The following ZFP2 variants were observed in gnomAD, a reference collection of about 807,000 sequenced individuals.
ZFP2 encodes ZFP2 zinc finger protein.
A neutral mutation model predicts 36.1 loss-of-function variants in ZFP2; 33 were observed. That is an observed-to-expected ratio of 0.92 (90% CI 0.69 to 1.22). The LOEUF is 1.22. Ranked by LOEUF, ZFP2 falls within the 50% of genes most tolerant of loss-of-function variation. The pLI is 0.00. For synonymous variants in ZFP2, 170 were observed against 178.0 expected, an observed-to-expected ratio of 0.96 and a Z score of 0.36; for missense variants, 522 against 551.4, an observed-to-expected ratio of 0.95 and a Z score of 0.53.
chr5:178,932,817 A>G lies in ZFP2; in HGVS notation c.*118A>G, dbSNP rs975272998. Reference sequence around the variant, plus strand: ...GTGGGAATCTTTCAGTTGAAGTACAATATGTCATATCAGATAATACCACTG... The same window carrying G: ...GTGGGAATCTTTCAGTTGAAGTACAGTATGTCATATCAGATAATACCACTG... On this transcript the variant is annotated 3_prime_UTR_variant, in exon 5 of 5. Coordinates refer to ENST00000361362, the MANE Select transcript of ZFP2 (RefSeq NM_030613.4). 7 of 1,263,864 alleles carry G rather than the reference A, an allele frequency of 5.5e-6. No homozygotes were observed. The highest frequency in any genetic ancestry group is 3.0e-5 in the African/African-American group (2 of 66,488). 78.3% of individuals were successfully genotyped at this position (1,263,864 alleles called of 1,614,324 possible).
intron 4 of ZFP2, among the ~76,000 whole-genome samples, chr5:178,925,996 G>A (rs1379306319): frequency 2.0e-5 from 3 of 148,454 alleles, no homozygotes; most frequent in South Asian, 4.3e-4. Flanking sequence ...ACATGTGTGC[G>A]CCACCATGAT....
chr5:178,905,266 A>G (rs954467162), intron 1 of ZFP2, among the ~76,000 whole-genome samples: 1 of 152,066 alleles, frequency 6.6e-6, no homozygotes, highest in African/African-American at 2.4e-5. Context: ...ATGGCCTTTA[A>G]CTCTTTACAG....
chr5:178,896,780 A>G (rs187839525), intron 1 of ZFP2, among the ~76,000 whole-genome samples: 1 of 152,318 alleles, frequency 6.6e-6, no homozygotes, highest in Non-Finnish European at 1.5e-5. Flanking sequence ...CTTTTTCTCC[A>G]TCTATCTTTT....
rs890829925 is a variant in ZFP2, at chr5:178,895,922, G to C, written c.-502G>C. 1 of 152,348 alleles carries C rather than the reference G, an allele frequency of 6.6e-6. No individual in the cohort carries two copies. Among genetic ancestry groups the C allele is most frequent in the Non-Finnish European group, 1.5e-5 (1 of 68,130 alleles). The allele number at this position is 152,348 out of a possible 1,614,324, so 9.4% of individuals were successfully genotyped here. On this transcript the variant is annotated 5_prime_UTR_variant, in exon 1 of 5. Coordinates refer to ENST00000361362, the MANE Select transcript of ZFP2 (RefSeq NM_030613.4). ...TGTAGTCTGGCGCTCCGGGCTGTAA[G>C]CGCCGGTCGCGGCTGTGTCGGTCGC...
intron 1 of ZFP2, among the ~76,000 whole-genome samples, chr5:178,898,743 G>A (rs2113039870): frequency 6.6e-6 from 1 of 152,308 alleles, no homozygotes; most frequent in South Asian, 2.1e-4. Context: ...CACTGCTCAG[G>A]ACAGGGTTAT....
Position 178,931,931 on chromosome 5 carries a change from G to A in ZFP2, c.618G>A (p.Arg206=). The change falls in exon 5 of 5, where the codon AGG becomes AGA. Residue 206 remains arginine, a synonymous_variant. Coordinates refer to ENST00000361362, the MANE Select transcript of ZFP2 (RefSeq NM_030613.4). ...HKNSSLIQHE[R]IHTGEKPYKC... ...ATTCATCTCTTATTCAGCATGAAAG[G>A]ATTCATACTGGAGAGAAACCCTACA... The A allele has an allele frequency of 6.2e-7, 1 of 1,613,788 alleles. No individual in the cohort carries two copies. The highest frequency in any genetic ancestry group is 8.5e-7 in the Non-Finnish European group (1 of 1,179,914).
chr5:178,924,266 G>T (rs1044103938), intron 4 of ZFP2, among the ~76,000 whole-genome samples: 2 of 147,452 alleles, frequency 1.4e-5, no homozygotes, highest in Admixed American at 1.4e-4. Flanking sequence ...CCAGCTACTC[G>T]GGAGGCTGAG....
At chr5:178,896,294 C>G (rs1008962314) in intron 1 of ZFP2, among the ~76,000 whole-genome samples, 1 of 152,222 alleles carries the variant, frequency 6.6e-6, no homozygotes, top group Non-Finnish European at 1.5e-5. Flanking sequence ...AGGGCCACGC[C>G]GGCCACCACG....
chr5:178,931,334 G>A lies in ZFP2; in HGVS notation c.21G>A (p.Trp7Ter). 1 of 1,606,432 alleles carries A rather than the reference G, an allele frequency of 6.2e-7. No homozygotes were observed. Among genetic ancestry groups the A allele is most frequent in the Non-Finnish European group, 8.5e-7 (1 of 1,176,904 alleles). ...TAACAATGGAAAGGGAAGGTATCTG[G>A]CATTCTACTCTAGGGGAAACCTGGG... MEREGI[W>*]HSTLGETWEP... Residue 7 changes from tryptophan to a stop codon, truncating the protein, a stop_gained, in exon 5 of 5, where the codon TGG becomes TGA. Coordinates refer to ENST00000361362, the MANE Select transcript of ZFP2 (RefSeq NM_030613.4). LOFTEE classifies it low-confidence loss of function (END_TRUNC).
rs997880868 is a variant in ZFP2, at chr5:178,922,780, T to C, written c.-78+6070T>C. On this transcript the variant is annotated intron_variant, in intron 4 of 4. Coordinates refer to ENST00000361362, the MANE Select transcript of ZFP2 (RefSeq NM_030613.4). ...TCTGTAAGGGCTGTGCAGAAATGTGTGTGGTCAAAGCCAAGCAGTTCCATT... is the reference window on the plus strand; with the variant it reads ...TCTGTAAGGGCTGTGCAGAAATGTGCGTGGTCAAAGCCAAGCAGTTCCATT... 4.4e-5 allele frequency: 65 copies of C among 1,489,206 alleles called. 5 individuals are homozygous for C. The highest frequency in any genetic ancestry group is 5.3e-5 in the Non-Finnish European group (58 of 1,098,296). The allele number at this position is 1,489,206 out of a possible 1,614,324, so 92.2% of individuals were successfully genotyped here. A position where few individuals can be genotyped will look rare whatever the true frequency, so the allele number is the denominator to read the frequency against.
intron 4 of ZFP2, among the ~76,000 whole-genome samples, chr5:178,929,786 A>T (rs1758777151): frequency 6.6e-6 from 1 of 152,116 alleles, no homozygotes; most frequent in South Asian, 2.1e-4. Context: ...AGGTATCTTT[A>T]TAGAAATTCT....
At chr5:178,911,589 C>T (rs1758300070) in intron 1 of ZFP2, among the ~76,000 whole-genome samples, 2 of 152,254 alleles carry the variant, frequency 1.3e-5, no homozygotes, top group East Asian at 3.9e-4. Context: ...AGTAAGGCTT[C>T]CAGTCAACAC....
intron 1 of ZFP2, among the ~76,000 whole-genome samples, chr5:178,898,403 GTC>G (rs906567451): frequency 2.0e-5 from 3 of 152,248 alleles, no homozygotes; most frequent in Admixed American, 2.0e-4. Flanking sequence ...AATATGTCAT[GTC>G]TCTCTGTCTT....
intron 1 of ZFP2, among the ~76,000 whole-genome samples, chr5:178,897,738 C>T (rs764046107): frequency 5.9e-5 from 9 of 152,060 alleles, no homozygotes; most frequent in African/African-American, 1.2e-4. Context: ...TTTCCCTGTT[C>T]GGCTATAACA....
chr5:178,932,281 TA>T lies in ZFP2; in HGVS notation c.972del (p.Lys324AsnfsTer18). On this transcript the variant is annotated frameshift_variant, in exon 5 of 5. Transcript: ENST00000361362. LOFTEE classifies it high-confidence loss of function. ...LIEHQRLHSG[V>X]KPFECNECGK... ...GAACATCAGAGACTTCATTCTGGAG[TA>T]AAACCTTTTGAATGTAACGAGTGTG... The T allele has an allele frequency of 6.2e-7, 1 of 1,614,070 alleles. No homozygotes were observed. Among genetic ancestry groups the T allele is most frequent in the African/African-American group, 1.3e-5 (1 of 75,004 alleles).
chr5:178,904,362 C>T (rs980592983), intron 1 of ZFP2, among the ~76,000 whole-genome samples: 2 of 152,106 alleles, frequency 1.3e-5, no homozygotes, highest in African/African-American at 4.8e-5. Context: ...GTGATGAGGA[C>T]GCAGCAGGGG....
chr5:178,932,456 T>C lies in ZFP2; in HGVS notation c.1143T>C (p.Pro381=). Residue 381 remains proline (P), a synonymous_variant, in exon 5 of 5, where the codon CCT becomes CCC. Coordinates refer to ENST00000361362, the MANE Select transcript of ZFP2 (RefSeq NM_030613.4). ...AGGTCATTCACACTGGAGAGAAACCTTATGAGTGCAATGAATGTGGAAAGG... is the reference window on the plus strand; with the variant it reads ...AGGTCATTCACACTGGAGAGAAACCCTATGAGTGCAATGAATGTGGAAAGG... The part of the protein sequence containing the change: ...VHQVIHTGEK[P]YECNECGKAF... The C allele has an allele frequency of 2.5e-6, 4 of 1,614,056 alleles. No homozygotes were observed. Among genetic ancestry groups the C allele is most frequent in the Non-Finnish European group, 2.5e-6 (3 of 1,180,012 alleles).
Position 178,927,666 on chromosome 5 carries a change from TGTGTGTGTGTGTGTGTGTG to T in ZFP2, c.-77-3570_-77-3552del, listed in dbSNP as rs1758710936. Among the ~76,000 whole-genome samples the T allele has an allele frequency of 9.0e-4, 95 of 106,124 alleles. 1 individual carries two copies. The East Asian group carries it at 0.025, about 28-fold the overall frequency. The allele number at this position is 106,124 out of a possible 152,430, so 69.6% of individuals were successfully genotyped here. ...TGCACACCATCATACCTGGCCAATG[TGTGTGTGTGTGTGTGTGTG>T]TGTGTGTGTGTGTGTGTGTGTGTGT... On this transcript the variant is annotated intron_variant, in intron 4 of 4. Coordinates refer to ENST00000361362, the MANE Select transcript of ZFP2 (RefSeq NM_030613.4).
At chr5:178,923,321 G>C (rs982224109) in intron 4 of ZFP2, among the ~76,000 whole-genome samples, 2 of 149,304 alleles carry the variant, frequency 1.3e-5, no homozygotes, top group African/African-American at 2.4e-5. Flanking sequence ...CCAGCCCCTG[G>C]TAACCTCCGC....
Sources: allele counts gnomAD v4.1 joint callset (sites outside exome capture counted in the v4.1 genomes callset), GRCh38; gene constraint gnomAD v4.1.1; transcripts MANE v1.5; gene names NCBI Gene and HGNC (gene_info 2026-07-23, HGNC 2026-07-21).